The following SPOCK1 variants were observed in gnomAD, a reference collection of about 807,000 sequenced individuals.
SPOCK1 encodes the protein SPARC (osteonectin), cwcv and kazal like domains proteoglycan 1.
A neutral mutation model predicts 55.3 loss-of-function variants in SPOCK1; 23 were observed. The ratio of observed to expected loss-of-function variants is 0.42; its 90% CI spans 0.30 to 0.59. The LOEUF (loss-of-function observed/expected upper bound fraction) is 0.59. SPOCK1 is among the 20% of genes least tolerant of loss of function. The pLI is 0.22. For missense variants in SPOCK1, 499 were observed against 552.5 expected, an observed-to-expected ratio of 0.90 and a Z score of 0.97; for synonymous variants, 226 against 221.0, an observed-to-expected ratio of 1.02 and a Z score of -0.20.
At chr5:137,031,847 A>G (rs1170041152) in intron 6 of SPOCK1, among the ~76,000 whole-genome samples, 2 of 152,016 alleles carry the variant, frequency 1.3e-5, no homozygotes, top group Non-Finnish European at 2.9e-5. Context: ...AGAATGATTA[A>G]CAAATGTATG....
intron 2 of SPOCK1, among the ~76,000 whole-genome samples, chr5:137,428,955 C>T (rs1168935920): frequency 6.6e-6 from 1 of 152,210 alleles, no homozygotes; most frequent in South Asian, 2.1e-4. Context: ...TCTTCCCCAA[C>T]CTGTTTTCAT....
intron 6 of SPOCK1, among the ~76,000 whole-genome samples, chr5:137,000,148 C>A (rs1024241039): frequency 6.6e-6 from 1 of 152,140 alleles, no homozygotes; most frequent in African/African-American, 2.4e-5. Flanking sequence ...GGAGCAAGCT[C>A]GGAGGCCTCT....
intron 2 of SPOCK1, among the ~76,000 whole-genome samples, chr5:137,274,346 G>C (rs916415626): frequency 6.6e-6 from 1 of 152,220 alleles, no homozygotes; most frequent in Non-Finnish European, 1.5e-5. Context: ...GGCAGGCTTT[G>C]AAGCAGATGT....
In SPOCK1 at chr5:137,167,059, T is replaced by A. The variant is rs1425482961; in HGVS notation, c.233-26365A>T. ...ATTTAAAAAAACACTGAAAGATCTG[T>A]TGCCTATAGGAAACACACTTCACCT... On this transcript the variant is annotated intron_variant, in intron 3 of 10. Coordinates refer to ENST00000394945, the MANE Select transcript of SPOCK1 (RefSeq NM_004598.4). 1.3e-5 allele frequency among the ~76,000 whole-genome samples: 2 copies of A among 151,950 alleles called. 1 individual carries two copies. The highest frequency in any genetic ancestry group is 4.1e-4 in the South Asian group (2 of 4,828).
Position 136,988,608 on chromosome 5 carries a change from A to T in SPOCK1, c.742T>A (p.Ser248Thr), listed in dbSNP as rs775129604. The T allele has an allele frequency of 1.2e-6, 2 of 1,613,772 alleles. No homozygotes were observed. Among genetic ancestry groups the T allele is most frequent in the East Asian group, 4.5e-5 (2 of 44,872 alleles). ...AACTTGTTGAACATCCAGCCCAGGG[A>T]GTCCTTGCAGATGGGCAGGATGCTA... ...DTSILPICKD[S>T]LGWMFNKLDM... is the part of the protein sequence containing the mutation. The change falls in exon 8 of 11, where the codon TCC becomes ACC. Residue 248 changes from serine (S) to threonine (T), a missense_variant. By Grantham distance (58) the Ser-to-Thr change is moderately conservative. Transcript: ENST00000394945.
chr5:137,376,249 G>A (rs1163257963), intron 2 of SPOCK1, among the ~76,000 whole-genome samples: 1 of 152,182 alleles, frequency 6.6e-6, no homozygotes, highest in Non-Finnish European at 1.5e-5. Context: ...GGTCTTTCTA[G>A]TTCCAAGAAG....
At chr5:137,233,639 CTTT>C (rs936989855) in intron 3 of SPOCK1, among the ~76,000 whole-genome samples, 4 of 142,362 alleles carry the variant, frequency 2.8e-5, no homozygotes, top group African/African-American at 1.1e-4. Flanking sequence ...CTAAATATTT[CTTT>C]TTCTTTGGAG....
intron 2 of SPOCK1, among the ~76,000 whole-genome samples, chr5:137,345,612 A>C (rs955071429): frequency 2.0e-5 from 3 of 152,212 alleles, no homozygotes; most frequent in Non-Finnish European, 2.9e-5. Flanking sequence ...GTGGCTCTTT[A>C]GCTCTGGCTC....
intron 2 of SPOCK1, among the ~76,000 whole-genome samples, chr5:137,314,728 C>T (rs1757846735): frequency 6.6e-6 from 1 of 152,088 alleles, no homozygotes; most frequent in East Asian, 1.9e-4. Context: ...TGGGATCCTG[C>T]CATATTTAAA....
chr5:137,330,458 C>T (rs566438346), intron 2 of SPOCK1, among the ~76,000 whole-genome samples: 4 of 152,188 alleles, frequency 2.6e-5, no homozygotes, highest in African/African-American at 9.7e-5. Context: ...TCACAAGACA[C>T]GAACCTGCTC....
intron 2 of SPOCK1, among the ~76,000 whole-genome samples, chr5:137,431,185 T>C (rs538452627): frequency 6.6e-6 from 1 of 152,314 alleles, no homozygotes; most frequent in East Asian, 1.9e-4. Context: ...AGACTAGTTA[T>C]TAAGTAAGAA....
At chr5:137,391,677 C>A (rs1310771310) in intron 2 of SPOCK1, among the ~76,000 whole-genome samples, 1 of 152,070 alleles carries the variant, frequency 6.6e-6, no homozygotes, top group Non-Finnish European at 1.5e-5. Context: ...CCGCTCCCCT[C>A]CATGGTCAAT....
chr5:137,396,185 C>T (rs539138018), intron 2 of SPOCK1, among the ~76,000 whole-genome samples: 1 of 152,182 alleles, frequency 6.6e-6, no homozygotes, highest in South Asian at 2.1e-4. Context: ...CTCAAATTTC[C>T]TGGGATAAAA....
chr5:137,266,914 C>G, intron 3 of SPOCK1, 96 bp downstream of exon 3: 1 of 1,042,240 alleles, frequency 9.6e-7, no homozygotes, highest in Non-Finnish European at 1.5e-6. Context: ...ACACCGCTAG[C>G]TGGCCCTTGT....
intron 2 of SPOCK1, among the ~76,000 whole-genome samples, chr5:137,486,114 A>G (rs904134355): frequency 6.6e-6 from 1 of 152,218 alleles, no homozygotes; most frequent in Non-Finnish European, 1.5e-5. Flanking sequence ...TAAACTCACC[A>G]TACTTCAGCA....
At chr5:137,061,167 A>T (rs1478360863) in intron 6 of SPOCK1, among the ~76,000 whole-genome samples, 1 of 152,248 alleles carries the variant, frequency 6.6e-6, no homozygotes, top group Non-Finnish European at 1.5e-5. Flanking sequence ...CACAACGGGC[A>T]TTAAACAAAA....
intron 2 of SPOCK1, among the ~76,000 whole-genome samples, chr5:137,419,174 A>G (rs982223052): frequency 1.3e-5 from 2 of 152,172 alleles, no homozygotes; most frequent in African/African-American, 4.8e-5. Context: ...CTGTTTTGGT[A>G]CTAGTACCAT....
intron 2 of SPOCK1, among the ~76,000 whole-genome samples, chr5:137,477,086 T>C (rs1462938861): frequency 1.3e-5 from 2 of 152,180 alleles, no homozygotes; most frequent in African/African-American, 4.8e-5. Context: ...GTCCAAATGT[T>C]TTTAAAAGCC....
chr5:137,270,497 G>A (rs753049583), intron 2 of SPOCK1, among the ~76,000 whole-genome samples: 1 of 152,222 alleles, frequency 6.6e-6, no homozygotes, highest in Non-Finnish European at 1.5e-5. Context: ...GGACAGGACA[G>A]AGAACGGTCT....
Sources: gnomAD v4.1 joint callset for allele counts (sites outside exome capture counted in the v4.1 genomes callset) on GRCh38, gnomAD v4.1.1 for gene constraint, MANE v1.5 for transcripts, NCBI Gene and HGNC (gene_info 2026-07-23, HGNC 2026-07-21) for gene names.